ZNF385D: variants seen among roughly 807,000 people sequenced by gnomAD.
ZNF385D encodes the protein zinc finger protein 659.
A neutral mutation model predicts 35.8 loss-of-function variants in ZNF385D; 15 were observed. That is an observed-to-expected ratio of 0.42 (90% confidence interval 0.28 to 0.64). The LOEUF (loss-of-function observed/expected upper bound fraction) is 0.64, where lower values mean the gene tolerates loss of function less well. Ranked by LOEUF, ZNF385D falls within the 30% of genes least tolerant of loss-of-function variation. The pLI, the probability that ZNF385D is intolerant of heterozygous loss-of-function variation, is 0.23. For missense variants in ZNF385D, 474 were observed against 494.6 expected (o/e 0.96, Z 0.39); for synonymous variants, 212 against 186.8 (o/e 1.13, Z -1.10).
chr3:22,165,764 G>A (rs1420845973), intron 3 of ZNF385D, among the ~76,000 whole-genome samples: 1 of 152,016 alleles, frequency 6.6e-6, no homozygotes, highest in Non-Finnish European at 1.5e-5. Context: ...ATTGAAATTT[G>A]AACCACACTG....
chr3:21,950,009 A>G (rs142530149), intron 3 of ZNF385D, among the ~76,000 whole-genome samples: 39,435 of 152,064 alleles, frequency 0.26, 5,827 homozygotes, highest in Admixed American at 0.41. Flanking sequence ...CAGTGCCACA[A>G]TAAACATATG....
chr3:21,982,821 T>TC (rs1369329531), intron 3 of ZNF385D, among the ~76,000 whole-genome samples: 2 of 151,658 alleles, frequency 1.3e-5, no homozygotes, highest in Non-Finnish European at 2.9e-5. Flanking sequence ...TGAAAGCCTT[T>TC]TTTTTTGCAT....
chr3:22,012,337 G>C (rs1696628710), intron 3 of ZNF385D, among the ~76,000 whole-genome samples: 1 of 152,012 alleles, frequency 6.6e-6, no homozygotes, highest in African/African-American at 2.4e-5. Context: ...TAAAATGTTT[G>C]GTCGATCCTA....
At chr3:22,261,338 A>G (rs1700620669) in intron 2 of ZNF385D, among the ~76,000 whole-genome samples, 1 of 152,040 alleles carries the variant, frequency 6.6e-6, no homozygotes, top group Non-Finnish European at 1.5e-5. Context: ...AAATAATTTA[A>G]GTTATGGTTT....
intron 3 of ZNF385D, among the ~76,000 whole-genome samples, chr3:21,850,092 A>G (rs1696290520): frequency 6.6e-6 from 1 of 152,108 alleles, no homozygotes; most frequent in South Asian, 2.1e-4. Context: ...GCAACTTATA[A>G]TTTATTATCA....
At chr3:22,019,304 T>C (rs1390903939) in intron 3 of ZNF385D, among the ~76,000 whole-genome samples, 1 of 151,942 alleles carries the variant, frequency 6.6e-6, no homozygotes, top group Non-Finnish European at 1.5e-5. Context: ...ATTATTGTTA[T>C]ACTTTCATGT....
In ZNF385D at chr3:21,437,060, T is replaced by C. The variant is rs757916166; in HGVS notation, c.583A>G (p.Thr195Ala). 1.9e-6 allele frequency: 3 copies of C among 1,614,024 alleles called. No individual in the cohort carries two copies. Among genetic ancestry groups the C allele is most frequent in the Non-Finnish European group, 2.5e-6 (3 of 1,179,898 alleles). The change falls in exon 5 of 8, where the codon ACC becomes GCC. Residue 195 changes from threonine (T) to alanine (A), a missense_variant. Coordinates refer to ENST00000281523, the MANE Select transcript of ZNF385D (RefSeq NM_024697.3). Reference sequence around the variant, plus strand: ...AGCCGTTTTGCCTTTTCTTCCTCGGTCTCAGTAGAAGGACATGAGCTATTG... The same window carrying C: ...AGCCGTTTTGCCTTTTCTTCCTCGGCCTCAGTAGAAGGACATGAGCTATTG... The part of the protein sequence containing the change: ...TGNSSCPSTE[T>A]EEEKAKRLLY...
intron 3 of ZNF385D, among the ~76,000 whole-genome samples, chr3:22,155,527 TC>T (rs921957218): frequency 6.6e-6 from 1 of 151,862 alleles, no homozygotes; most frequent in African/African-American, 2.4e-5. Flanking sequence ...GCAAAAGGGG[TC>T]CTTGACTAGT....
intron 3 of ZNF385D, among the ~76,000 whole-genome samples, chr3:22,125,954 A>G (rs993239897): frequency 1.3e-5 from 2 of 152,072 alleles, no homozygotes; most frequent in South Asian, 2.1e-4. Flanking sequence ...ACTGTGTTGA[A>G]TAACAGTGGT....
intron 3 of ZNF385D, among the ~76,000 whole-genome samples, chr3:21,548,760 G>C (rs908569365): frequency 2.6e-4 from 40 of 152,296 alleles, no homozygotes; most frequent in African/African-American, 8.4e-4. Flanking sequence ...GTCAAGGCAA[G>C]TCTCAAAATA....
chr3:21,460,116 A>T (rs1252212992), intron 4 of ZNF385D, among the ~76,000 whole-genome samples: 1 of 152,176 alleles, frequency 6.6e-6, no homozygotes, highest in African/African-American at 2.4e-5. Flanking sequence ...TTACATAAGA[A>T]TTCTCCAAAG....
At chr3:21,891,970 T>C (rs1208841088) in intron 3 of ZNF385D, among the ~76,000 whole-genome samples, 1 of 152,196 alleles carries the variant, frequency 6.6e-6, no homozygotes, top group South Asian at 2.1e-4. Context: ...CAAGGAAATA[T>C]TATCAACAGC....
chr3:21,490,422 C>G (rs1440905196), intron 4 of ZNF385D, among the ~76,000 whole-genome samples: 2 of 152,150 alleles, frequency 1.3e-5, no homozygotes, highest in African/African-American at 4.8e-5. Context: ...CTCACGTGCT[C>G]TTCTTACAAT....
At chr3:21,921,774 C>G (rs1054353332) in intron 3 of ZNF385D, among the ~76,000 whole-genome samples, 4 of 151,268 alleles carry the variant, frequency 2.6e-5, no homozygotes, top group Non-Finnish European at 4.4e-5. Context: ...ACACAATCTC[C>G]CAAGATTGAA....
At chr3:21,733,077 G>A (rs2069088910) in intron 1 of ZNF385D, among the ~76,000 whole-genome samples, 1 of 151,662 alleles carries the variant, frequency 6.6e-6, no homozygotes, top group South Asian at 2.1e-4. Flanking sequence ...AAGAGTATAA[G>A]GTCTTTGTCT....
At chr3:22,080,738 G>C (rs572077401) in intron 3 of ZNF385D, among the ~76,000 whole-genome samples, 2 of 151,910 alleles carry the variant, frequency 1.3e-5, no homozygotes, top group East Asian at 3.9e-4. Context: ...AGTATTAAAA[G>C]GTAGGGCCTT....
intron 3 of ZNF385D, among the ~76,000 whole-genome samples, chr3:21,832,309 A>G (rs978382663): frequency 2.6e-5 from 4 of 152,214 alleles, no homozygotes; most frequent in Non-Finnish European, 5.9e-5. Context: ...CTATATTGTC[A>G]TCTGCCCGTT....
At chr3:22,225,648 C>G (rs1192579855) in intron 2 of ZNF385D, among the ~76,000 whole-genome samples, 1 of 152,166 alleles carries the variant, frequency 6.6e-6, no homozygotes, top group Non-Finnish European at 1.5e-5. Context: ...TAAAGGCTGT[C>G]TTTCCTTCCC....
intron 3 of ZNF385D, among the ~76,000 whole-genome samples, chr3:21,877,017 A>G (rs1183448251): frequency 6.6e-6 from 1 of 152,090 alleles, no homozygotes; most frequent in Non-Finnish European, 1.5e-5. Context: ...TTTAATTTCT[A>G]TGATCCATTT....
Sources: gnomAD v4.1 joint callset for allele counts (sites outside exome capture counted in the v4.1 genomes callset) on GRCh38, gnomAD v4.1.1 for gene constraint, MANE v1.5 for transcripts, NCBI Gene and HGNC (gene_info 2026-07-23, HGNC 2026-07-21) for gene names.